Variants in ERICH6B observed in about 807,000 individuals in gnomAD.
ERICH6B encodes the protein glutamate rich 6B, also known as glutamate-rich protein 6B.
ERICH6B carries 69 observed loss-of-function variants against 80.0 expected under a neutral mutation model. That is an observed-to-expected ratio of 0.86 (90% CI 0.71 to 1.05). The LOEUF (loss-of-function observed/expected upper bound fraction) is 1.05. Ranked by LOEUF, ERICH6B falls within the 50% of genes least tolerant of loss-of-function variation. The pLI, the probability that ERICH6B is intolerant of heterozygous loss-of-function variation, is 0.00. For missense variants in ERICH6B, 754 were observed against 796.1 expected (o/e 0.95, Z 0.64); for synonymous variants, 283 against 291.9 (o/e 0.97, Z 0.31).
chr13:45,597,421 G>A (rs1271877737), intron 2 of ERICH6B, among the ~76,000 whole-genome samples: 1 of 152,164 alleles, frequency 6.6e-6, no homozygotes, highest in East Asian at 1.9e-4. Flanking sequence ...TGTCTTCCAG[G>A]AGCTTGAAAT....
chr13:45,563,674 G>T, intron 10 of ERICH6B, 53 bp downstream of exon 10: 1 of 1,451,092 alleles, frequency 6.9e-7, no homozygotes, highest in Non-Finnish European at 9.5e-7. Flanking sequence ...AGAGGCGGTG[G>T]GATGCAGACA....
chr13:45,578,939 A>G (rs1212192734), intron 7 of ERICH6B, among the ~76,000 whole-genome samples: 1 of 152,204 alleles, frequency 6.6e-6, no homozygotes, highest in Non-Finnish European at 1.5e-5. Flanking sequence ...GGTCCCAGCT[A>G]CTTAGGAGGC....
At chr13:45,579,485 G>A (rs554969801) in intron 7 of ERICH6B, among the ~76,000 whole-genome samples, 201 of 152,202 alleles carry the variant, frequency 1.3e-3, no homozygotes, top group African/African-American at 4.6e-3. Flanking sequence ...CTTCCCCCTC[G>A]TAGGATTCAA....
chr13:45,565,873 A>G (rs939442652), intron 9 of ERICH6B, among the ~76,000 whole-genome samples: 2 of 152,242 alleles, frequency 1.3e-5, no homozygotes, highest in Non-Finnish European at 1.5e-5. Flanking sequence ...CTTTGGAACT[A>G]GGTAACAGGC....
At chr13:45,579,391 T>C (rs532107828) in intron 7 of ERICH6B, among the ~76,000 whole-genome samples, 25 of 152,354 alleles carry the variant, frequency 1.6e-4, no homozygotes, top group Admixed American at 3.9e-4. Context: ...CTAATGAGGA[T>C]GGGTCTGGTT....
intron 1 of ERICH6B, among the ~76,000 whole-genome samples, chr13:45,610,299 A>G (rs1949892132): frequency 6.6e-6 from 1 of 152,076 alleles, no homozygotes; most frequent in Non-Finnish European, 1.5e-5. Flanking sequence ...TAACTCAACA[A>G]GCAGGAGAAC....
In ERICH6B at chr13:45,587,153, C is replaced by T. The variant is rs1875942881; in HGVS notation, c.766G>A (p.Glu256Lys). ...LTFATPSPVS[E>K]SATESSELLL... ...AACTCAGAAGACTCTGTGGCAGATT[C>T]AGAGACAGGAGAAGGGGTAGCGAAA... Residue 256 changes from glutamate (E) to lysine (K), a missense_variant, in exon 5 of 15, where the codon GAA (glutamate) becomes AAA (lysine). By Grantham distance (56) the Glu-to-Lys change is moderately conservative. Coordinates refer to ENST00000298738, the MANE Select transcript of ERICH6B (RefSeq NM_182542.3). 18 of 1,551,658 alleles carry T rather than the reference C, an allele frequency of 1.2e-5. No individual in the cohort carries two copies. The highest frequency in any genetic ancestry group is 1.4e-5 in the Non-Finnish European group (16 of 1,146,990).
intron 12 of ERICH6B, 56 bp downstream of exon 12, chr13:45,550,175 G>T: frequency 6.5e-7 from 1 of 1,538,472 alleles, no homozygotes. Flanking sequence ...AAAAATCGTA[G>T]ACATTTTAGG....
intron 1 of ERICH6B, among the ~76,000 whole-genome samples, chr13:45,610,878 A>T (rs1363572817): frequency 2.0e-5 from 3 of 150,556 alleles, no homozygotes; most frequent in African/African-American, 7.4e-5. Flanking sequence ...TTTATATATA[A>T]TATACATTTA....
rs745376467 is a variant in ERICH6B at position 45,563,787 on chromosome 13, G to A, written c.1189C>T (p.Leu397=). Reference sequence around the variant, plus strand: ...TTGAACTTTTCATAATTTTTCTTCAGCCTAAAAGGAAAGTGGATCATCTTT... The same window carrying A: ...TTGAACTTTTCATAATTTTTCTTCAACCTAAAAGGAAAGTGGATCATCTTT... ...SENRWKLVIM[L]KKNYEKFKET... is the part of the protein sequence containing the mutation. Residue 397 remains leucine, a splice_region_variant and synonymous_variant, in exon 10 of 15, where the codon CTG becomes TTG. Coordinates refer to ENST00000298738, the MANE Select transcript of ERICH6B (RefSeq NM_182542.3). 325 of 1,551,890 alleles carry A rather than the reference G, an allele frequency of 2.1e-4. No individual in the cohort carries two copies. The highest frequency in any genetic ancestry group is 2.7e-4 in the Non-Finnish European group (311 of 1,146,962).
In ERICH6B at chr13:45,609,887, G is replaced by A. The variant is rs550281412; in HGVS notation, c.-110-2272C>T. ...ACAGTGAGAAAATCATGGGAGTGAA[G>A]GAGATCTGATCTGGCCAACCTTCGT... On this transcript the variant is annotated intron_variant, in intron 1 of 14. Transcript: ENST00000298738. Among the ~76,000 whole-genome samples the A allele has an allele frequency of 7.2e-5, 11 of 152,350 alleles. No homozygotes were observed. The South Asian group carries it at 2.3e-3, about 32-fold the overall frequency.
At chr13:45,576,273 C>T (rs950484071) in intron 7 of ERICH6B, among the ~76,000 whole-genome samples, 5 of 152,302 alleles carry the variant, frequency 3.3e-5, no homozygotes, top group East Asian at 1.9e-4. Context: ...AGACTTGCCG[C>T]GTATGAGGTG....
chr13:45,606,568 TTTG>T (rs1566308030), intron 2 of ERICH6B, among the ~76,000 whole-genome samples: 4 of 81,760 alleles, frequency 4.9e-5, no homozygotes, highest in Non-Finnish European at 8.3e-5. Flanking sequence ...TTTTTTTTTT[TTTG>T]GAGACAGAGT....
rs762040869 is a variant in ERICH6B, at chr13:45,594,451, G to A, written c.637+1918C>T. On this transcript the variant is annotated intron_variant, in intron 3 of 14. Transcript: ENST00000298738. ...ATGTTAAGAATGCTTGATTCATACC[G>A]TGCAAGAGAAAAAGCCCTGAATGCT... Among the ~76,000 whole-genome samples, 35 of 152,300 alleles carry A rather than the reference G, an allele frequency of 2.3e-4. No homozygotes were observed. The South Asian group carries it at 2.7e-3, about 12-fold the overall frequency.
Position 45,541,480 on chromosome 13 carries a change from G to A in ERICH6B, c.2073C>T (p.Leu691=). 6.4e-7 allele frequency: 1 copy of A among 1,552,144 alleles called. No homozygotes were observed. The highest frequency in any genetic ancestry group is 8.7e-7 in the Non-Finnish European group (1 of 1,147,104). Residue 691 remains leucine (L), a synonymous_variant, in exon 15 of 15, where the codon CTC becomes CTT. Coordinates refer to ENST00000298738, the MANE Select transcript of ERICH6B (RefSeq NM_182542.3). ...CCCCGCCTTAAAACCAGAGTTTAGAGAGCATCTTCTTCAGGTACTTGTTGT... is the reference window on the plus strand; with the variant it reads ...CCCCGCCTTAAAACCAGAGTTTAGAAAGCATCTTCTTCAGGTACTTGTTGT... ...LMDNKYLKKM[L]SKLWF
chr13:45,578,369 CT>C (rs1875511373), intron 7 of ERICH6B, among the ~76,000 whole-genome samples: 1 of 152,228 alleles, frequency 6.6e-6, no homozygotes, highest in South Asian at 2.1e-4. Flanking sequence ...CTTTCTCCTC[CT>C]GCAAAATCTG....
chr13:45,600,379 A>T (rs1056320515), intron 2 of ERICH6B, among the ~76,000 whole-genome samples: 2 of 152,046 alleles, frequency 1.3e-5, no homozygotes, highest in Admixed American at 6.6e-5. Flanking sequence ...ATTTTGTAAA[A>T]ATTTATGGGG....
chr13:45,549,420 T>C (rs8000773), intron 13 of ERICH6B, among the ~76,000 whole-genome samples: 14,648 of 152,224 alleles, frequency 0.096, 896 homozygotes, highest in African/African-American at 0.16. Flanking sequence ...GGTCTTGAAT[T>C]GGTAAGATGG....
chr13:45,563,591 C>G, intron 10 of ERICH6B, 136 bp downstream of exon 10: 3 of 799,054 alleles, frequency 3.8e-6, no homozygotes, highest in Non-Finnish European at 6.3e-6. Context: ...GCAGCCAGGA[C>G]CACATCAGCC....
Sources: allele counts gnomAD v4.1 joint callset (sites outside exome capture counted in the v4.1 genomes callset), GRCh38; gene constraint gnomAD v4.1.1; transcripts MANE v1.5; gene names NCBI Gene and HGNC (gene_info 2026-07-23, HGNC 2026-07-21).